Variants in NCOR1 observed in about 807,000 individuals in gnomAD.
NCOR1 encodes nuclear receptor corepressor 1.
A neutral mutation model predicts 288.1 loss-of-function variants in NCOR1; 63 were observed. That is an observed-to-expected ratio of 0.22 (90% confidence interval 0.18 to 0.27). The LOEUF is 0.27. Ranked by LOEUF, NCOR1 falls within the 10% of genes least tolerant of loss-of-function variation. The pLI is 1.00. For missense variants in NCOR1, 2,397 were observed against 3,019.2 expected (o/e 0.79, Z 4.83); for synonymous variants, 1,007 against 1,065.9 (o/e 0.94, Z 1.08).
At chr17:16,073,679 G>C (rs1392952570) in intron 27 of NCOR1, 110 bp from the exon 28 acceptor site, 2 of 903,122 alleles carry the variant, frequency 2.2e-6, no homozygotes, top group Non-Finnish European at 3.0e-6. Flanking sequence ...ATTAAAACTT[G>C]TCTTAACCTA....
chr17:16,127,237 A>G (rs894060532), intron 14 of NCOR1, among the ~76,000 whole-genome samples: 4 of 141,072 alleles, frequency 2.8e-5, no homozygotes, highest in African/African-American at 1.2e-4. Flanking sequence ...ACATGTATGC[A>G]TATATGTATG....
Position 16,117,946 on chromosome 17 carries a change from T to C in NCOR1, c.1997A>G (p.Tyr666Cys), listed in dbSNP as rs770353422. 6.2e-7 allele frequency: 1 copy of C among 1,614,044 alleles called. No homozygotes were observed. The highest frequency in any genetic ancestry group is 8.5e-7 in the Non-Finnish European group (1 of 1,179,966). The change falls in exon 18 of 46, where the codon TAT (tyrosine) becomes TGT (cysteine). Residue 666 changes from tyrosine to cysteine, a missense_variant. Coordinates refer to ENST00000268712, the MANE Select transcript of NCOR1 (RefSeq NM_006311.4). ...TKSEAQCKNF[Y>C]FNYKRRHNLD... ...ATTGTGTCGCCTTTTATAGTTAAAA[T>C]AGAAGTTTTTACATTGAGCTTCACT... is the stretch of plus-strand genomic sequence containing the variant.
At chr17:16,207,974 CT>C (rs2091725351) in intron 1 of NCOR1, among the ~76,000 whole-genome samples, 1 of 147,972 alleles carries the variant, frequency 6.8e-6, no homozygotes, top group African/African-American at 2.5e-5. Flanking sequence ...CGATATTATT[CT>C]TTCAAAGGGA....
chr17:16,134,963 T>C (rs1206406063), intron 14 of NCOR1, among the ~76,000 whole-genome samples: 1 of 151,850 alleles, frequency 6.6e-6, no homozygotes, highest in Admixed American at 6.6e-5. Flanking sequence ...ATCGAGACCA[T>C]CCTGACTAAC....
intron 14 of NCOR1, among the ~76,000 whole-genome samples, chr17:16,136,873 T>C (rs1200458351): frequency 2.1e-5 from 3 of 145,014 alleles, no homozygotes; most frequent in African/African-American, 7.8e-5. Context: ...ATGAAGTTAA[T>C]ATGAAACAAA....
At chr17:16,100,739 CA>C (rs1421915461) in intron 20 of NCOR1, among the ~76,000 whole-genome samples, 1 of 152,232 alleles carries the variant, frequency 6.6e-6, no homozygotes, top group African/African-American at 2.4e-5. Context: ...AAAAAGTGGT[CA>C]TAATTATCAT....
chr17:16,072,553 A>T (rs181820862), intron 28 of NCOR1, among the ~76,000 whole-genome samples: 1 of 152,378 alleles, frequency 6.6e-6, no homozygotes, highest in African/African-American at 2.4e-5. Context: ...CTTAGCTTTG[A>T]AATATACTTG....
At chr17:16,111,902 C>T (rs2070302670) in intron 18 of NCOR1, among the ~76,000 whole-genome samples, 1 of 152,134 alleles carries the variant, frequency 6.6e-6, no homozygotes, top group African/African-American at 2.4e-5. Context: ...CGGAGTCTTG[C>T]ACTGTCACCC....
intron 2 of NCOR1, 101 bp from the exon 3 acceptor site, chr17:16,186,788 A>G (rs1411181452): frequency 5.0e-6 from 5 of 994,716 alleles, no homozygotes; most frequent in African/African-American, 1.6e-5. Flanking sequence ...TAAGTATGGA[A>G]AGAAAGAGCA....
rs895716360 is a variant in NCOR1 at position 16,029,322 on chromosome 17, A to G, written c.*2974T>C. On this transcript the variant is annotated 3_prime_UTR_variant, in exon 46 of 46. Coordinates refer to ENST00000268712, the MANE Select transcript of NCOR1 (RefSeq NM_006311.4). ...TTGTAAAATAAGGTACTGAAGCAAA[A>G]GGAGGACTGATCTCCTTTACTGATT... The G allele has an allele frequency of 4.5e-6, 2 of 440,874 alleles. No individual in the cohort carries two copies. Among genetic ancestry groups the G allele is most frequent in the East Asian group, 7.0e-5 (1 of 14,282 alleles). The allele number at this position is 440,874 out of a possible 1,614,324, so 27.3% of individuals were successfully genotyped here. A position where few individuals can be genotyped will look rare whatever the true frequency, so the allele number is the denominator to read the frequency against.
At chr17:16,117,034 G>A (rs954926793) in intron 18 of NCOR1, among the ~76,000 whole-genome samples, 2 of 152,142 alleles carry the variant, frequency 1.3e-5, no homozygotes, top group African/African-American at 4.8e-5. Context: ...TGACCTCATG[G>A]AATCATCAAA....
intron 1 of NCOR1, among the ~76,000 whole-genome samples, chr17:16,212,258 C>T (rs2092200490): frequency 1.3e-5 from 2 of 151,486 alleles, no homozygotes; most frequent in South Asian, 4.2e-4. Context: ...AAGAGCGAGA[C>T]CCTGTCTCAA....
intron 21 of NCOR1, among the ~76,000 whole-genome samples, chr17:16,093,662 A>C (rs2065810881): frequency 6.6e-6 from 1 of 152,192 alleles, no homozygotes; most frequent in Non-Finnish European, 1.5e-5. Flanking sequence ...AAGTAGTATT[A>C]TTCACTGATC....
rs189691323 is a variant in NCOR1 at position 16,080,573 on chromosome 17, C to T, written c.3298+34G>A. On this transcript the variant is annotated intron_variant, in intron 24 of 45. Transcript: ENST00000268712. ...AAATTACTGGCTGTGATGCTACAAA[C>T]GTAGATGCATTATGACTGTATTAAC... 6.0e-4 allele frequency: 970 copies of T among 1,613,992 alleles called. 5 individuals are homozygous for T. In the African/African-American group the frequency reaches 0.011, roughly 18 times the overall value.
chr17:16,117,668 C>T (rs2071970997), intron 18 of NCOR1, among the ~76,000 whole-genome samples: 1 of 151,924 alleles, frequency 6.6e-6, no homozygotes, highest in Non-Finnish European at 1.5e-5. Flanking sequence ...ACTAAAACTA[C>T]AAAAATTAGC....
chr17:16,208,817 T>C (rs2153611868), intron 1 of NCOR1, among the ~76,000 whole-genome samples: 1 of 151,844 alleles, frequency 6.6e-6, no homozygotes, highest in African/African-American at 2.4e-5. Flanking sequence ...GCCTGAAGCC[T>C]CCAGAGACAG....
intron 42 of NCOR1, chr17:16,044,736 T>C (rs1003078180): frequency 1.3e-6 from 1 of 762,198 alleles, no homozygotes; most frequent in East Asian, 2.5e-5. Flanking sequence ...GGTGTAAATG[T>C]TGAACCTTTT....
At chr17:16,179,957 CAAAAAAAAAAA>C (rs34531259) in intron 3 of NCOR1, among the ~76,000 whole-genome samples, 1 of 75,618 alleles carries the variant, frequency 1.3e-5, no homozygotes, top group Non-Finnish European at 2.4e-5. Flanking sequence ...GACTCTGTCT[CAAAAAAAAAAA>C]AAAAAAAAAA....
chr17:16,116,426 T>A (rs908028154), intron 18 of NCOR1, among the ~76,000 whole-genome samples: 1 of 152,234 alleles, frequency 6.6e-6, no homozygotes, highest in African/African-American at 2.4e-5. Context: ...AATGAGAAGG[T>A]GTGAAGCTCA....
Sources: gnomAD v4.1 joint callset for allele counts (sites outside exome capture counted in the v4.1 genomes callset) on GRCh38, gnomAD v4.1.1 for gene constraint, MANE v1.5 for transcripts, NCBI Gene and HGNC (gene_info 2026-07-23, HGNC 2026-07-21) for gene names.